KDM4C: variants seen among roughly 807,000 people sequenced by gnomAD.
KDM4C encodes the protein lysine demethylase 4C.
In KDM4C, 81 loss-of-function variants were observed where a neutral mutation model predicts 129.3. The ratio of observed to expected loss-of-function variants is 0.63; its 90% CI spans 0.52 to 0.75. The LOEUF (loss-of-function observed/expected upper bound fraction) is 0.75. KDM4C is among the 30% of genes least tolerant of loss of function. The pLI is 0.00. For synonymous variants in KDM4C, 573 were observed against 456.1 expected (o/e 1.26, Z -3.26); for missense variants, 1,457 against 1,304.0 (o/e 1.12, Z -1.81).
chr9:7,036,928 G>C (rs996789330), intron 15 of KDM4C, among the ~76,000 whole-genome samples: 1 of 152,284 alleles, frequency 6.6e-6, no homozygotes. Context: ...TTCATTACAG[G>C]TGAATTTTGG....
intron 8 of KDM4C, among the ~76,000 whole-genome samples, chr9:6,970,701 T>A (rs920609660): frequency 6.6e-6 from 1 of 152,212 alleles, no homozygotes; most frequent in Admixed American, 6.5e-5. Flanking sequence ...CATTTTCAAC[T>A]TATGTCCTGT....
chr9:7,100,519 T>C (rs1431897777), intron 17 of KDM4C, among the ~76,000 whole-genome samples: 1 of 152,096 alleles, frequency 6.6e-6, no homozygotes, highest in Admixed American at 6.5e-5. Context: ...TTTGTATTTT[T>C]AGTAGAGATG....
chr9:6,773,123 C>T lies in KDM4C; in HGVS notation c.-18+14920C>T, dbSNP rs571566111. On this transcript the variant is annotated intron_variant, in intron 1 of 21. Coordinates refer to ENST00000381309, the MANE Select transcript of KDM4C (RefSeq NM_015061.6). The stretch of plus-strand genomic sequence containing the variant: ...CAAGTGATCCTCCTGCCTCAGCCTC[C>T]TGAGTAACTGGGATTACAGGTGCAC... Among the ~76,000 whole-genome samples the T allele has an allele frequency of 2.6e-4, 39 of 152,252 alleles. 1 individual carries two copies. Among genetic ancestry groups the T allele is most frequent in the African/African-American group, 8.9e-4 (37 of 41,540 alleles).
At chr9:7,088,822 G>A (rs1456642995) in intron 17 of KDM4C, among the ~76,000 whole-genome samples, 1 of 151,934 alleles carries the variant, frequency 6.6e-6, no homozygotes, top group Non-Finnish European at 1.5e-5. Context: ...TCCTGAGCCA[G>A]GAGTACTGTT....
intron 18 of KDM4C, among the ~76,000 whole-genome samples, chr9:7,119,897 T>C (rs577620605): frequency 4.6e-5 from 7 of 152,278 alleles, no homozygotes; most frequent in African/African-American, 1.7e-4. Context: ...CTTAATACCT[T>C]GCATTATGAT....
intron 8 of KDM4C, among the ~76,000 whole-genome samples, chr9:6,907,142 T>C (rs1818462104): frequency 6.6e-6 from 1 of 152,228 alleles, no homozygotes; most frequent in Non-Finnish European, 1.5e-5. Flanking sequence ...GGTGTATGTA[T>C]TGATGTGATA....
Position 6,792,974 on chromosome 9 carries a change from A to G in KDM4C, c.-15A>G, listed in dbSNP as rs2130878359. On this transcript the variant is annotated splice_region_variant and 5_prime_UTR_variant, in exon 2 of 22. Transcript: ENST00000381309. ...TGACCCTACTGTCTTCTCTCCAGAC[A>G]CTGCCCTAACCATCATGGAGGTGGC... 1.9e-6 allele frequency: 3 copies of G among 1,614,078 alleles called. No homozygotes were observed. The highest frequency in any genetic ancestry group is 2.2e-5 in the East Asian group (1 of 44,876).
intron 1 of KDM4C, among the ~76,000 whole-genome samples, chr9:6,744,415 C>G (rs1021374992): frequency 1.3e-5 from 2 of 152,052 alleles, no homozygotes; most frequent in African/African-American, 4.8e-5. Flanking sequence ...ATCCCAGCTA[C>G]TCAAGAGGCT....
intron 8 of KDM4C, among the ~76,000 whole-genome samples, chr9:6,953,226 A>ACAGC (rs1360441596): frequency 6.6e-6 from 1 of 152,220 alleles, no homozygotes; most frequent in Non-Finnish European, 1.5e-5. Context: ...CTCAAACAAG[A>ACAGC]CAGCCTGAGT....
At chr9:7,097,603 C>G (rs930329750) in intron 17 of KDM4C, among the ~76,000 whole-genome samples, 5 of 152,170 alleles carry the variant, frequency 3.3e-5, no homozygotes, top group Admixed American at 6.6e-5. Context: ...TCTTCTAGAT[C>G]TGCTCAGTAG....
At chr9:6,998,046 T>G (rs1232220889) in intron 12 of KDM4C, among the ~76,000 whole-genome samples, 4 of 152,182 alleles carry the variant, frequency 2.6e-5, no homozygotes, top group Admixed American at 6.5e-5. Context: ...TTGGGTCTGA[T>G]TTTCTCTAAT....
At chr9:6,806,330 A>G (rs1007747186) in intron 3 of KDM4C, among the ~76,000 whole-genome samples, 4 of 151,956 alleles carry the variant, frequency 2.6e-5, no homozygotes, top group Non-Finnish European at 5.9e-5. Context: ...CCTTGTCTCC[A>G]CTAAAACTAC....
At chr9:6,931,506 A>ATTT (rs67510930) in intron 8 of KDM4C, among the ~76,000 whole-genome samples, 65 of 151,402 alleles carry the variant, frequency 4.3e-4, no homozygotes, top group African/African-American at 1.6e-3. Flanking sequence ...ATATATATAT[A>ATTT]TTTTTTTTTC....
intron 4 of KDM4C, among the ~76,000 whole-genome samples, chr9:6,824,182 G>T (rs755729876): frequency 2.6e-5 from 4 of 152,170 alleles, no homozygotes; most frequent in Non-Finnish European, 4.4e-5. Flanking sequence ...AGAGGATGAA[G>T]GTTACTTGTA....
At chr9:6,933,858 A>T (rs1234024738) in intron 8 of KDM4C, among the ~76,000 whole-genome samples, 6 of 149,590 alleles carry the variant, frequency 4.0e-5, no homozygotes, top group African/African-American at 1.5e-4. Context: ...TTATTTATTT[A>T]TTTTTTTTTG....
At chr9:6,915,867 A>T (rs772056972) in intron 8 of KDM4C, among the ~76,000 whole-genome samples, 3 of 152,216 alleles carry the variant, frequency 2.0e-5, no homozygotes, top group Non-Finnish European at 4.4e-5. Context: ...GGAAGGACCT[A>T]TGCTGGGGCA....
chr9:6,940,087 CCTT>C (rs1234231922), intron 8 of KDM4C, among the ~76,000 whole-genome samples: 3 of 149,174 alleles, frequency 2.0e-5, no homozygotes, highest in African/African-American at 7.4e-5. Context: ...CTCTTTCTTT[CCTT>C]CTTTTCTTTC....
At chr9:6,977,791 C>G (rs964134803) in intron 8 of KDM4C, among the ~76,000 whole-genome samples, 3 of 152,082 alleles carry the variant, frequency 2.0e-5, no homozygotes, top group African/African-American at 4.8e-5. Context: ...TGACAATGGC[C>G]CAGTCCTCTA....
At chr9:6,833,468 C>G (rs990721912) in intron 4 of KDM4C, among the ~76,000 whole-genome samples, 1 of 152,124 alleles carries the variant, frequency 6.6e-6, no homozygotes, top group African/African-American at 2.4e-5. Context: ...TATCGTTTGG[C>G]CACGTGGCTT....
Sources: gnomAD v4.1 joint callset for allele counts (sites outside exome capture counted in the v4.1 genomes callset) on GRCh38, gnomAD v4.1.1 for gene constraint, MANE v1.5 for transcripts, NCBI Gene and HGNC (gene_info 2026-07-23, HGNC 2026-07-21) for gene names.